The following ZNF780A variants were observed in gnomAD, a reference collection of about 807,000 sequenced individuals.
The protein encoded by ZNF780A is zinc finger protein 780A.
Under a neutral mutation model 56.7 loss-of-function variants are expected in ZNF780A, and 40 were observed. That is an observed-to-expected ratio of 0.71 (90% confidence interval 0.55 to 0.92). The LOEUF (loss-of-function observed/expected upper bound fraction) is 0.92, where lower values mean the gene tolerates loss of function less well. Ranked by LOEUF, ZNF780A falls within the 40% of genes least tolerant of loss-of-function variation. ZNF780A has a pLI of 0.00. For synonymous variants in ZNF780A, 231 were observed against 248.3 expected (o/e 0.93, Z 0.66); for missense variants, 672 against 783.3 (o/e 0.86, Z 1.70).
intron 1 of ZNF780A, 101 bp from the exon 2 acceptor site, chr19:40,090,336 A>C (rs781343352): frequency 6.6e-6 from 1 of 152,182 alleles, no homozygotes; most frequent in Non-Finnish European, 1.5e-5. Context: ...CCCTCACTTC[A>C]CACGAAATAG....
intron 3 of ZNF780A, among the ~76,000 whole-genome samples, chr19:40,083,667 G>GA (rs571135549): frequency 0.033 from 1,454 of 44,498 alleles, 38 homozygotes; most frequent in African/African-American, 0.095. Context: ...CTGTCTCAGA[G>GA]AAAAAAAAAA....
chr19:40,089,545 CCAA>C (rs1371052466), intron 2 of ZNF780A: 56 of 236,796 alleles, frequency 2.4e-4, no homozygotes, highest in Non-Finnish European at 1.6e-5. Context: ...AATGACAGAA[CCAA>C]TATTCCAACC....
Position 40,074,942 on chromosome 19 carries a change from G to C in ZNF780A, c.1500C>G (p.Pro500=), listed in dbSNP as rs1974013386. Residue 500 remains proline, a synonymous_variant, in exon 6 of 6, where the codon CCC becomes CCG. Coordinates refer to ENST00000683561, the MANE Select transcript of ZNF780A (RefSeq NM_001142578.2). ...QHQSIHTGEK[P]YECKECGKAF... ...CCTTCCCACACTCCTTACATTCATAGGGCTTCTCACCAGTGTGAATACTCT... is the reference window on the plus strand; with the variant it reads ...CCTTCCCACACTCCTTACATTCATACGGCTTCTCACCAGTGTGAATACTCT... 6.2e-7 allele frequency: 1 copy of C among 1,613,288 alleles called. No individual in the cohort carries two copies. Among genetic ancestry groups the C allele is most frequent in the Non-Finnish European group, 8.5e-7 (1 of 1,179,770 alleles).
intron 3 of ZNF780A, 140 bp from the exon 4 acceptor site, chr19:40,083,377 C>T: frequency 7.4e-7 from 1 of 1,345,788 alleles, no homozygotes; most frequent in Non-Finnish European, 1.0e-6. Flanking sequence ...CAAGAAGTCT[C>T]CTGCTGGCTG....
intron 3 of ZNF780A, 100 bp from the exon 4 acceptor site, chr19:40,083,337 T>C (rs1260004791): frequency 3.3e-6 from 5 of 1,537,816 alleles, no homozygotes; most frequent in East Asian, 4.5e-5. Flanking sequence ...AAAAGCAATA[T>C]GGAAATTCAC....
At chr19:40,080,102 A>T (rs1241863751) in intron 5 of ZNF780A, among the ~76,000 whole-genome samples, 2 of 152,278 alleles carry the variant, frequency 1.3e-5, no homozygotes, top group East Asian at 3.9e-4. Context: ...AACAGAAAAG[A>T]TCATCAAAAT....
chr19:40,087,458 A>G (rs1974876634), intron 2 of ZNF780A, among the ~76,000 whole-genome samples: 1 of 152,182 alleles, frequency 6.6e-6, no homozygotes, highest in Non-Finnish European at 1.5e-5. Flanking sequence ...TCCAAACCTC[A>G]TGGGTCACAT....
rs183767572 is a variant in ZNF780A, at chr19:40,082,773, A to G, written c.136+338T>C. On this transcript the variant is annotated intron_variant, in intron 4 of 5. Coordinates refer to ENST00000683561, the MANE Select transcript of ZNF780A (RefSeq NM_001142578.2). The stretch of plus-strand genomic sequence containing the variant: ...AACAAAAACAAACCAACAAACAGAA[A>G]ATCTACAGTAATTCTGAGATCAAAC... Among the ~76,000 whole-genome samples the G allele has an allele frequency of 1.5e-3, 232 of 152,318 alleles. 2 individuals are homozygous for G. The highest frequency in any genetic ancestry group is 5.5e-3 in the African/African-American group (227 of 41,562).
intron 2 of ZNF780A, among the ~76,000 whole-genome samples, chr19:40,085,731 T>C (rs1212608265): frequency 6.6e-6 from 1 of 151,864 alleles, no homozygotes; most frequent in African/African-American, 2.4e-5. Flanking sequence ...AATACAAAAA[T>C]TAGCTGGGTG....
At chr19:40,081,010 T>TGCTTCAG (rs1453011163) in intron 5 of ZNF780A, among the ~76,000 whole-genome samples, 1 of 151,934 alleles carries the variant, frequency 6.6e-6, no homozygotes, top group Non-Finnish European at 1.5e-5. Context: ...ATAAAGGAAG[T>TGCTTCAG]GCTTCAGGAC....
At position 40,074,786 on chromosome 19, in the gene ZNF780A, A is replaced by G. The variant is rs1375872845; in HGVS notation, c.1656T>C (p.Thr552=). The G allele has an allele frequency of 9.3e-6, 15 of 1,613,952 alleles. No individual in the cohort carries two copies. Among genetic ancestry groups the G allele is most frequent in the Admixed American group, 1.7e-5 (1 of 59,996 alleles). ...SNLNQHRSIH[T]GKKPFECKEC... is the part of the protein sequence containing the mutation. ...CCTTACATTCAAAGGGTTTCTTTCC[A>G]GTATGAATACTTCGATGTTGATTAA... is the stretch of plus-strand genomic sequence containing the variant. The change falls in exon 6 of 6, where the codon ACT becomes ACC. Residue 552 remains threonine (T), a synonymous_variant. Transcript: ENST00000683561.
At position 40,074,524 on chromosome 19, in the gene ZNF780A, C is replaced by A. The variant is rs117907760; in HGVS notation, c.1918G>T (p.Ala640Ser). ...TTCCACATTCCTTACATTCAAGATG[C>A]CTTCTCACCTGTGTGAATGTTCTTA... is the stretch of plus-strand genomic sequence containing the variant. The part of the protein sequence containing the change: ...RHKNIHTGEK[A>S]S Residue 640 changes from alanine (A) to serine (S), a missense_variant, in exon 6 of 6, where the codon GCA becomes TCA. Physicochemically the swap from Ala to Ser is moderately conservative, Grantham distance 99 (BLOSUM62 1). Coordinates refer to ENST00000683561, the MANE Select transcript of ZNF780A (RefSeq NM_001142578.2). 2.5e-6 allele frequency: 4 copies of A among 1,613,358 alleles called. No homozygotes were observed. The African/African-American group carries it at 4.0e-5, about 16-fold the overall frequency.
At position 40,090,221 on chromosome 19, in the gene ZNF780A, T is replaced by C. The variant is rs1020782229; in HGVS notation, c.-101A>G. The C allele has an allele frequency of 3.9e-5, 6 of 152,180 alleles. No individual in the cohort carries two copies. The highest frequency in any genetic ancestry group is 1.4e-4 in the African/African-American group (6 of 41,436). The allele number at this position is 152,180 out of a possible 1,614,324, so 9.4% of individuals were successfully genotyped here. On this transcript the variant is annotated 5_prime_UTR_variant, in exon 2 of 6. Transcript: ENST00000683561. ...CTCATCCTCCTCCAGGTCCTTCTTT[T>C]GGATAAAAATACGACTGGAGAAGGA...
At position 40,074,278 on chromosome 19, in the gene ZNF780A, T is replaced by C. The variant is rs549698362; in HGVS notation, c.*238A>G. The C allele has an allele frequency of 4.1e-6, 6 of 1,477,888 alleles. No homozygotes were observed. The highest frequency in any genetic ancestry group is 5.4e-6 in the Non-Finnish European group (6 of 1,114,172). 91.5% of individuals were successfully genotyped at this position (1,477,888 alleles called of 1,614,324 possible). On this transcript the variant is annotated 3_prime_UTR_variant, in exon 6 of 6. Transcript: ENST00000683561. Reference sequence around the variant, plus strand: ...CATTCTTTACATTCAAAGGGTTTTTTACCAGTGTGAATTTGGTAATGTTAA... The same window carrying C: ...CATTCTTTACATTCAAAGGGTTTTTCACCAGTGTGAATTTGGTAATGTTAA...
chr19:40,081,379 A>G (rs796638645), intron 5 of ZNF780A, among the ~76,000 whole-genome samples: 3 of 152,096 alleles, frequency 2.0e-5, no homozygotes, highest in African/African-American at 7.2e-5. Context: ...CTAAAAATAC[A>G]AAAATTAGCC....
intron 2 of ZNF780A, among the ~76,000 whole-genome samples, chr19:40,085,947 C>T (rs73549821): frequency 0.093 from 14,047 of 151,024 alleles, 1,158 homozygotes; most frequent in African/African-American, 0.21. Flanking sequence ...CACACACACA[C>T]GTGTGTGTAT....
At chr19:40,069,398 C>G (rs1973743505), downstream of ZNF780A, 2 of 152,204 alleles carry the variant, frequency 1.3e-5, no homozygotes, top group African/African-American at 4.8e-5. Context: ...ACCCCTCAAT[C>G]CAGAGAGGGC....
At position 40,079,009 on chromosome 19, in the gene ZNF780A, A is replaced by C. The variant is rs190259491; in HGVS notation, c.233-2800T>G. Among the ~76,000 whole-genome samples, 136 of 152,352 alleles carry C rather than the reference A, an allele frequency of 8.9e-4. 1 individual carries two copies. The highest frequency in any genetic ancestry group is 1.4e-3 in the Non-Finnish European group (92 of 68,014). On this transcript the variant is annotated intron_variant, in intron 5 of 5. Transcript: ENST00000683561. ...CCTCACATATCAGTAATCACATTGAACGTAAATGGATTAAACTTTTCATCT... is the reference window on the plus strand; with the variant it reads ...CCTCACATATCAGTAATCACATTGACCGTAAATGGATTAAACTTTTCATCT...
Position 40,081,811 on chromosome 19 carries a change from TCA to T in ZNF780A, c.232+6_232+7del. 6.2e-7 allele frequency: 1 copy of T among 1,609,882 alleles called. No homozygotes were observed. The highest frequency in any genetic ancestry group is 1.7e-4 in the Middle Eastern group (1 of 6,040). On this transcript the variant is annotated splice_donor_region_variant and intron_variant, in intron 5 of 5. Transcript: ENST00000683561. ...TGGCTTCCCCCCGCCTGCTTTACCC[TCA>T]CTTACCTGGATACCGTCTGCTTGTT...
Sources: gnomAD v4.1 joint callset for allele counts (sites outside exome capture counted in the v4.1 genomes callset) on GRCh38, gnomAD v4.1.1 for gene constraint, MANE v1.5 for transcripts, NCBI Gene and HGNC (gene_info 2026-07-23, HGNC 2026-07-21) for gene names.